The following ZZZ3 variants were observed in gnomAD, a reference collection of about 807,000 sequenced individuals.
ZZZ3 encodes the protein ZZ-type zinc finger-containing protein 3.
A neutral mutation model predicts 95.2 loss-of-function variants in ZZZ3; 22 were observed. That is an observed-to-expected ratio of 0.23 (90% confidence interval 0.17 to 0.33). ZZZ3 has a LOEUF of 0.33. ZZZ3 is among the 10% of genes least tolerant of loss of function. The pLI, the probability that ZZZ3 is intolerant of heterozygous loss-of-function variation, is 1.00. For synonymous variants in ZZZ3, 335 were observed against 358.9 expected (o/e 0.93, Z 0.75); for missense variants, 885 against 1,066.5 (o/e 0.83, Z 2.37).
At chr1:77,570,663 TTTATTA>T (rs931409047) in intron 12 of ZZZ3, among the ~76,000 whole-genome samples, 7 of 149,758 alleles carry the variant, frequency 4.7e-5, no homozygotes, top group South Asian at 4.2e-4. Context: ...TTTTTATTAT[TTTATTA>T]TTATTATTAT....
intron 13 of ZZZ3, among the ~76,000 whole-genome samples, chr1:77,566,875 TC>T (rs1437958348): frequency 6.6e-6 from 1 of 152,206 alleles, no homozygotes; most frequent in Non-Finnish European, 1.5e-5. Flanking sequence ...ATTTCTAGTT[TC>T]TTTGATCATC....
intron 1 of ZZZ3, among the ~76,000 whole-genome samples, chr1:77,646,773 A>G (rs1669312524): frequency 6.6e-6 from 1 of 152,232 alleles, no homozygotes; most frequent in Admixed American, 6.5e-5. Context: ...GGTAAAGCCT[A>G]CAATTGTCCC....
At chr1:77,664,872 A>G (rs769128345) in intron 1 of ZZZ3, among the ~76,000 whole-genome samples, 4 of 152,232 alleles carry the variant, frequency 2.6e-5, no homozygotes, top group African/African-American at 4.8e-5. Context: ...CTAAGCCTGT[A>G]CTTCTCTGCC....
At chr1:77,568,641 CT>C (rs11355685) in intron 12 of ZZZ3, among the ~76,000 whole-genome samples, 175 bp from the exon 13 acceptor site, 76,457 of 125,794 alleles carry the variant, frequency 0.61, 23,995 homozygotes, top group Non-Finnish European at 0.71. Context: ...TGCTTTTGGA[CT>C]TTTTTTTTTT....
At chr1:77,594,175 T>C (rs1040874706) in intron 5 of ZZZ3, among the ~76,000 whole-genome samples, 17 of 152,244 alleles carry the variant, frequency 1.1e-4, no homozygotes, top group Middle Eastern at 3.4e-3. Context: ...GAGGAGAATA[T>C]TTAAAAAGAC....
At chr1:77,583,751 T>A (rs1662772546) in intron 6 of ZZZ3, among the ~76,000 whole-genome samples, 1 of 152,184 alleles carries the variant, frequency 6.6e-6, no homozygotes, top group Admixed American at 6.5e-5. Context: ...GGATTCTTTT[T>A]CATCATTTTT....
At chr1:77,578,945 T>G in intron 10 of ZZZ3, 76 bp from the exon 11 acceptor site, 1 of 711,546 alleles carries the variant, frequency 1.4e-6, no homozygotes, top group Non-Finnish European at 2.1e-6. Flanking sequence ...AATTAAAACG[T>G]ACATGAGTAT....
At chr1:77,626,468 T>TC (rs909402262) in intron 5 of ZZZ3, among the ~76,000 whole-genome samples, 1 of 152,198 alleles carries the variant, frequency 6.6e-6, no homozygotes, top group African/African-American at 2.4e-5. Flanking sequence ...TGACAGATCA[T>TC]CAGGCATTAG....
intron 4 of ZZZ3, among the ~76,000 whole-genome samples, chr1:77,634,802 T>C (rs1668148455): frequency 6.6e-6 from 1 of 152,156 alleles, no homozygotes; most frequent in Non-Finnish European, 1.5e-5. Flanking sequence ...GGCTCTCCCA[T>C]CAAGCAGAAT....
chr1:77,622,370 CAAAAA>C (rs200681261), intron 5 of ZZZ3, among the ~76,000 whole-genome samples: 1 of 55,424 alleles, frequency 1.8e-5, no homozygotes, highest in African/African-American at 7.2e-5. Flanking sequence ...TGAAAAATAG[CAAAAA>C]AAAAAAAAAA....
In ZZZ3 at chr1:77,565,534, T is replaced by C. The variant is rs1660737875; in HGVS notation, c.*106A>G. 1 of 1,248,112 alleles carries C rather than the reference T, an allele frequency of 8.0e-7. No homozygotes were observed. The highest frequency in any genetic ancestry group is 1.1e-6 in the Non-Finnish European group (1 of 884,960). 77.3% of individuals were successfully genotyped at this position (1,248,112 alleles called of 1,614,324 possible). A position where few individuals can be genotyped will look rare whatever the true frequency, so the allele number is the denominator to read the frequency against. ...ACTCAGGAAGCTCTCATGCTGTGAG[T>C]GTCATTTCTGGGAAAGCAGAGAATC... On this transcript the variant is annotated 3_prime_UTR_variant, in exon 15 of 15. Transcript: ENST00000370801.
At chr1:77,634,914 C>T (rs1420436059) in intron 4 of ZZZ3, among the ~76,000 whole-genome samples, 1 of 152,112 alleles carries the variant, frequency 6.6e-6, no homozygotes, top group East Asian at 1.9e-4. Flanking sequence ...GAATGAGATG[C>T]AGGATGATTA....
intron 5 of ZZZ3, among the ~76,000 whole-genome samples, chr1:77,612,558 GGACA>G (rs1442906971): frequency 1.3e-5 from 2 of 151,916 alleles, no homozygotes; most frequent in Admixed American, 6.6e-5. Flanking sequence ...GACAGACAAC[GGACA>G]AAGAAATGTG....
intron 1 of ZZZ3, among the ~76,000 whole-genome samples, chr1:77,668,282 T>C (rs527810572): frequency 7.9e-5 from 12 of 152,342 alleles, no homozygotes; most frequent in East Asian, 1.9e-4. Flanking sequence ...CCTGCTTTTC[T>C]GGGAATTGCT....
rs761503883 is a variant in ZZZ3 at position 77,581,795 on chromosome 1, C to G, written c.1889G>C (p.Gly630Ala). The change falls in exon 8 of 15, where the codon GGC becomes GCC. Residue 630 changes from glycine to alanine, a missense_variant. Gly to Ala is a moderately conservative substitution (Grantham distance 60). Around this residue, in one of 5 missense-constraint regions of ZZZ3, gnomAD observed 99 missense variants for 119.8 expected, o/e 0.83. Transcript: ENST00000370801. ...SMLPLSDGPE[G>A]SSSRPQMIRG... ...GCTTACCTGAGGACGACTGCTTGAG[C>G]CTTCTGGACCATCACTCAAAGGCAA... is the stretch of plus-strand genomic sequence containing the variant. 1.2e-6 allele frequency: 2 copies of G among 1,613,334 alleles called. No homozygotes were observed. Among genetic ancestry groups the G allele is most frequent in the Non-Finnish European group, 1.7e-6 (2 of 1,179,626 alleles).
intron 1 of ZZZ3, among the ~76,000 whole-genome samples, chr1:77,670,314 C>T (rs1346368983): frequency 1.3e-5 from 2 of 151,242 alleles, no homozygotes; most frequent in Non-Finnish European, 2.9e-5. Flanking sequence ...GGCTGGAGTG[C>T]AATGGCATGA....
chr1:77,635,905 CAAAAAAAAATA>C (rs1668254560), intron 4 of ZZZ3, among the ~76,000 whole-genome samples: 1 of 148,392 alleles, frequency 6.7e-6, no homozygotes, highest in Non-Finnish European at 1.5e-5. Context: ...GACTCTGTCT[CAAAAAAAAATA>C]AAAAGAAAAG....
At chr1:77,662,255 G>T (rs1670861976) in intron 1 of ZZZ3, among the ~76,000 whole-genome samples, 1 of 151,706 alleles carries the variant, frequency 6.6e-6, no homozygotes, top group Admixed American at 6.6e-5. Context: ...CTCATGATCT[G>T]CCCACCTCAG....
chr1:77,611,253 A>AC (rs34896813), intron 5 of ZZZ3, among the ~76,000 whole-genome samples: 3 of 146,874 alleles, frequency 2.0e-5, no homozygotes, highest in East Asian at 2.0e-4. Flanking sequence ...AAAAAAAACA[A>AC]CCCACATGCA....
Sources: allele counts gnomAD v4.1 joint callset (sites outside exome capture counted in the v4.1 genomes callset), GRCh38; gene constraint gnomAD v4.1.1; regional missense constraint gnomAD v4.1.1; transcripts MANE v1.5; gene names NCBI Gene and HGNC (gene_info 2026-07-23, HGNC 2026-07-21).